EPHA6: variants seen among roughly 807,000 people sequenced by gnomAD.
EPHA6 encodes the protein EPH receptor A6.
A neutral mutation model predicts 112.0 loss-of-function variants in EPHA6; 50 were observed. The observed-to-expected ratio is 0.45, with a 90% confidence interval of 0.36 to 0.56. The LOEUF (loss-of-function observed/expected upper bound fraction) is 0.56, where lower values mean the gene tolerates loss of function less well. EPHA6 is among the 20% of genes least tolerant of loss of function. The pLI is 0.00. For missense variants in EPHA6, 1,280 were observed against 1,417.4 expected (o/e 0.90, Z 1.56); for synonymous variants, 529 against 490.7 (o/e 1.08, Z -1.03).
At chr3:97,650,152 A>T (rs563220550) in intron 14 of EPHA6, among the ~76,000 whole-genome samples, 6 of 151,752 alleles carry the variant, frequency 4.0e-5, no homozygotes, top group Non-Finnish European at 8.8e-5. Context: ...GGGAGAGAAT[A>T]TGTGCTAAAT....
intron 5 of EPHA6, among the ~76,000 whole-genome samples, chr3:97,350,817 C>T (rs1368579227): frequency 6.7e-6 from 1 of 148,634 alleles, no homozygotes; most frequent in Non-Finnish European, 1.5e-5. Context: ...ACATCTGAAG[C>T]CCTCAAGAAA....
At chr3:97,020,956 G>A (rs1312477624) in intron 3 of EPHA6, among the ~76,000 whole-genome samples, 2 of 151,864 alleles carry the variant, frequency 1.3e-5, no homozygotes, top group African/African-American at 4.8e-5. Flanking sequence ...GGGTTAAATC[G>A]TTGTTGATAA....
At chr3:97,277,234 C>T (rs950370336) in intron 5 of EPHA6, among the ~76,000 whole-genome samples, 3 of 151,188 alleles carry the variant, frequency 2.0e-5, no homozygotes, top group Admixed American at 6.6e-5. Flanking sequence ...AGAGAGTCAG[C>T]GAAGGGAGAT....
chr3:97,205,826 T>C (rs923452884), intron 3 of EPHA6, among the ~76,000 whole-genome samples: 5 of 152,142 alleles, frequency 3.3e-5, no homozygotes, highest in Non-Finnish European at 5.9e-5. Context: ...TCGCTCATGA[T>C]GATCCAGACA....
Position 97,534,969 on chromosome 3 carries a change from C to A in EPHA6, c.2386+2426C>A, listed in dbSNP as rs574149830. On this transcript the variant is annotated intron_variant, in intron 11 of 17. Coordinates refer to ENST00000389672, the MANE Select transcript of EPHA6 (RefSeq NM_001080448.3). ...TTAAAAGGTTTAAAAAGCGTCATATCTTTATTTTCTTACTTTAATAAATCA... is the reference window on the plus strand; with the variant it reads ...TTAAAAGGTTTAAAAAGCGTCATATATTTATTTTCTTACTTTAATAAATCA... 9.9e-5 allele frequency among the ~76,000 whole-genome samples: 15 copies of A among 152,032 alleles called. No individual in the cohort carries two copies. The South Asian group carries it at 2.9e-3, about 29-fold the overall frequency.
chr3:97,548,053 C>T (rs1015302429), intron 11 of EPHA6, among the ~76,000 whole-genome samples: 5 of 152,174 alleles, frequency 3.3e-5, no homozygotes, highest in African/African-American at 9.7e-5. Context: ...GGCTCATGCA[C>T]GGTGCGCTGT....
intron 2 of EPHA6, among the ~76,000 whole-genome samples, chr3:96,960,985 T>C (rs2041930946): frequency 6.6e-6 from 1 of 152,208 alleles, no homozygotes; most frequent in Admixed American, 6.5e-5. Flanking sequence ...AGCCAGGCCT[T>C]GCAGGTCTTT....
At chr3:97,136,029 A>G (rs1442658910) in intron 3 of EPHA6, among the ~76,000 whole-genome samples, 1 of 152,214 alleles carries the variant, frequency 6.6e-6, no homozygotes, top group African/African-American at 2.4e-5. Flanking sequence ...TGAAAGTTCT[A>G]CATTGAAACA....
intron 2 of EPHA6, among the ~76,000 whole-genome samples, chr3:96,918,297 T>C (rs2039585952): frequency 6.6e-6 from 1 of 152,194 alleles, no homozygotes; most frequent in Admixed American, 6.6e-5. Context: ...AATTATATTC[T>C]AAGTTTACAT....
intron 3 of EPHA6, among the ~76,000 whole-genome samples, chr3:97,168,591 CTCTG>C (rs1056333728): frequency 7.8e-5 from 11 of 140,726 alleles, no homozygotes; most frequent in African/African-American, 1.5e-4. Context: ...CTCTCTCTCT[CTCTG>C]TGTGTCTCTC....
intron 10 of EPHA6, among the ~76,000 whole-genome samples, chr3:97,500,534 C>A (rs1332008251): frequency 6.6e-6 from 1 of 152,046 alleles, no homozygotes; most frequent in East Asian, 1.9e-4. Context: ...TAGTGCTAAA[C>A]CATTCATGAG....
At chr3:97,315,248 C>T (rs2081766119) in intron 5 of EPHA6, among the ~76,000 whole-genome samples, 1 of 151,602 alleles carries the variant, frequency 6.6e-6, no homozygotes, top group South Asian at 2.1e-4. Context: ...ATCCACTTTC[C>T]ACATCACTTT....
At chr3:97,215,315 G>T (rs781713064) in intron 3 of EPHA6, among the ~76,000 whole-genome samples, 13 of 152,156 alleles carry the variant, frequency 8.5e-5, no homozygotes, top group Admixed American at 5.2e-4. Context: ...TTTTATTAGA[G>T]ACATACTTTG....
In EPHA6 at chr3:97,753,948, G is replaced by GA. The variant is rs1168281778; in HGVS notation, c.*5254dup. 4.0e-5 allele frequency among the ~76,000 whole-genome samples: 6 copies of GA among 151,558 alleles called. No individual in the cohort carries two copies. The highest frequency in any genetic ancestry group is 1.5e-4 in the African/African-American group (6 of 41,238). ...GTGGCATAATGTACATGTATTCTTG[G>GA]AAAAAAATTAAAAGATCCAGAAAAA... is the stretch of plus-strand genomic sequence containing the variant. On this transcript the variant is annotated 3_prime_UTR_variant, in exon 18 of 18. Transcript: ENST00000389672.
At chr3:97,624,043 AGTT>A (rs997377430) in intron 13 of EPHA6, among the ~76,000 whole-genome samples, 5 of 151,584 alleles carry the variant, frequency 3.3e-5, no homozygotes, top group African/African-American at 1.2e-4. Context: ...CAAAAAAAAA[AGTT>A]GTTGTTGGAA....
chr3:97,584,737 A>G (rs749116051), intron 11 of EPHA6, among the ~76,000 whole-genome samples: 5 of 152,324 alleles, frequency 3.3e-5, no homozygotes, highest in Non-Finnish European at 7.4e-5. Flanking sequence ...AAGATCATGA[A>G]GGCATGGAGA....
At chr3:97,096,851 C>T (rs1341113085) in intron 3 of EPHA6, among the ~76,000 whole-genome samples, 2 of 151,686 alleles carry the variant, frequency 1.3e-5, no homozygotes, top group African/African-American at 4.8e-5. Context: ...GATCTATGGA[C>T]AGCAAAAGAC....
intron 5 of EPHA6, among the ~76,000 whole-genome samples, chr3:97,356,728 A>G (rs1413125731): frequency 6.6e-6 from 1 of 152,050 alleles, no homozygotes; most frequent in Non-Finnish European, 1.5e-5. Flanking sequence ...ATGTTGGTTT[A>G]CACTGGAAAA....
chr3:96,847,323 C>A (rs568018080), intron 1 of EPHA6, among the ~76,000 whole-genome samples: 1 of 152,060 alleles, frequency 6.6e-6, no homozygotes, highest in South Asian at 2.1e-4. Flanking sequence ...CTCAGCCCTG[C>A]TCCTGAAGGA....
Sources: allele counts gnomAD v4.1 joint callset (sites outside exome capture counted in the v4.1 genomes callset), GRCh38; gene constraint gnomAD v4.1.1; transcripts MANE v1.5; gene names NCBI Gene and HGNC (gene_info 2026-07-23, HGNC 2026-07-21).